The following SHF variants were observed in gnomAD, a reference collection of about 807,000 sequenced individuals.
SHF encodes Src homology 2 domain containing F, also known as SH2 domain-containing adapter protein F.
Under a neutral mutation model 42.4 loss-of-function variants are expected in SHF, and 30 were observed. The observed-to-expected ratio is 0.71, with a 90% CI of 0.53 to 0.96. The LOEUF is 0.96. Ranked by LOEUF, SHF falls within the 40% of genes least tolerant of loss-of-function variation. The pLI is 0.00. For synonymous variants in SHF, 264 were observed against 269.9 expected (o/e 0.98, Z 0.21); for missense variants, 598 against 634.0 (o/e 0.94, Z 0.61).
chr15:45,198,312 TA>T (rs1003650215), intron 2 of SHF, among the ~76,000 whole-genome samples: 2 of 151,540 alleles, frequency 1.3e-5, no homozygotes, highest in African/African-American at 4.9e-5. Flanking sequence ...AATGACTCAA[TA>T]AAAAAATGTA....
At chr15:45,184,356 TA>T (rs1236378450) in intron 1 of SHF, among the ~76,000 whole-genome samples, 2 of 152,238 alleles carry the variant, frequency 1.3e-5, no homozygotes, top group Non-Finnish European at 2.9e-5. Context: ...GAAGTACATC[TA>T]TTTTTTAAAG....
In SHF at chr15:45,167,996, C is replaced by G; in HGVS notation, c.1418G>C (p.Gly473Ala). Residue 473 changes from glycine to alanine, a missense_variant, in exon 7 of 7, where the codon GGA (glycine) becomes GCA (alanine). Coordinates refer to ENST00000690270, the MANE Select transcript of SHF (RefSeq NM_001394037.1). The part of the protein sequence containing the change: ...HYASRKLPIK[G>A]AEHMSLLYPV... Reference sequence around the variant, plus strand: ...GTAGAGCAGGGACATGTGTTCGGCTCCCTTAATGGGTAGCTTGCGGCTGGC... The same window carrying G: ...GTAGAGCAGGGACATGTGTTCGGCTGCCTTAATGGGTAGCTTGCGGCTGGC... The G allele has an allele frequency of 6.2e-7, 1 of 1,613,470 alleles. No individual in the cohort carries two copies.
intron 2 of SHF, among the ~76,000 whole-genome samples, chr15:45,196,802 G>A (rs1317973959): frequency 2.0e-5 from 3 of 151,948 alleles, no homozygotes; most frequent in African/African-American, 7.3e-5. Flanking sequence ...GGGAGGCTGA[G>A]GCAGGAGAAT....
At chr15:45,178,394 G>A (rs1471054936) in intron 1 of SHF, 88 bp from the exon 2 acceptor site, 14 of 1,475,474 alleles carry the variant, frequency 9.5e-6, no homozygotes, top group Non-Finnish European at 1.3e-5. Flanking sequence ...GGGAGCAAGA[G>A]TCCCAAGTAG....
chr15:45,169,529 G>A (rs1321294378), intron 6 of SHF, among the ~76,000 whole-genome samples: 1 of 152,206 alleles, frequency 6.6e-6, no homozygotes, highest in African/African-American at 2.4e-5. Flanking sequence ...GCCCCTGTGG[G>A]TGGTGGAGAG....
At position 45,187,770 on chromosome 15, in the gene SHF, C is replaced by G. The variant is rs1452027530; in HGVS notation, c.182G>C (p.Gly61Ala). 6.8e-6 allele frequency: 6 copies of G among 882,934 alleles called. No homozygotes were observed. In the South Asian group the frequency reaches 2.2e-4, roughly 33 times the overall value. The allele number at this position is 882,934 out of a possible 1,614,324, so 54.7% of individuals were successfully genotyped here. A position where few individuals can be genotyped will look rare whatever the true frequency, so the allele number is the denominator to read the frequency against. ...CGGCTTGCTGCCCCCTCCGCCGCCGCCCCCCCCGCGGAAGCCCAGGTGCTC... is the reference window on the plus strand; with the variant it reads ...CGGCTTGCTGCCCCCTCCGCCGCCGGCCCCCCCGCGGAAGCCCAGGTGCTC... ...LREHLGFRGGGGGGGGSKPAP... is the reference protein window; with the variant it reads ...LREHLGFRGGAGGGGGSKPAP... Residue 61 changes from glycine (G) to alanine (A), a missense_variant, in exon 1 of 7, where the codon GGC becomes GCC. By Grantham distance (60) the Gly-to-Ala change is moderately conservative. This residue lies in a region of SHF where 159 missense variants were observed against 109.3 expected (regional missense o/e 1.45). Coordinates refer to ENST00000690270, the MANE Select transcript of SHF (RefSeq NM_001394037.1).
At chr15:45,200,485 G>T (rs536882841) in intron 1 of SHF, 2 of 341,898 alleles carry the variant, frequency 5.8e-6, no homozygotes, top group Non-Finnish European at 1.2e-5. Context: ...CGATCACGGC[G>T]AGCTACTAGG....
exon 1 of SHF, chr15:45,200,905 G>A: frequency 2.2e-6 from 1 of 454,430 alleles, no homozygotes; most frequent in South Asian, 1.6e-5. Flanking sequence ...ATCATTGCAG[G>A]CCCGGCCTCA....
At chr15:45,191,092 T>C (rs986598965), upstream of SHF, among the ~76,000 whole-genome samples, 3 of 152,094 alleles carry the variant, frequency 2.0e-5, no homozygotes, top group Admixed American at 1.3e-4. Context: ...AGAGATGGGG[T>C]CTCACTCTCT....
chr15:45,201,026 G>A, exon 1 of SHF: 1 of 353,450 alleles, frequency 2.8e-6, no homozygotes, highest in Non-Finnish European at 5.6e-6. Context: ...GGCTGCTCTT[G>A]CGGGTGAACG....
At chr15:45,201,081 T>A in exon 1 of SHF, 1 of 342,180 alleles carries the variant, frequency 2.9e-6, no homozygotes, top group Non-Finnish European at 5.8e-6. Context: ...TTAGGAAAGC[T>A]GGAATGGCCG....
chr15:45,188,015 AG>A (rs1162918452), upstream of SHF: 16 of 81,752 alleles, frequency 2.0e-4, no homozygotes, highest in Admixed American at 6.7e-4. Flanking sequence ...GGGGGTGGGG[AG>A]GGGGGCGGGG....
intron 1 of SHF, chr15:45,199,132 T>C: frequency 5.5e-6 from 8 of 1,460,362 alleles, no homozygotes; most frequent in Non-Finnish European, 7.3e-6. Flanking sequence ...TAGAACCAGG[T>C]TCCACGTAGA....
chr15:45,198,961 C>T, exon 2 of SHF: 2 of 1,613,790 alleles, frequency 1.2e-6, no homozygotes, highest in Non-Finnish European at 1.7e-6. Context: ...GGGCGGAACT[C>T]AGACTACCCT....
chr15:45,195,555 T>C (rs909077570), intron 2 of SHF, among the ~76,000 whole-genome samples: 2 of 152,016 alleles, frequency 1.3e-5, no homozygotes, highest in Non-Finnish European at 2.9e-5. Context: ...CACATTCTTT[T>C]ATTTAAAGTC....
At chr15:45,189,125 A>G (rs948078951), upstream of SHF, among the ~76,000 whole-genome samples, 1 of 150,570 alleles carries the variant, frequency 6.6e-6, no homozygotes, top group Non-Finnish European at 1.5e-5. Flanking sequence ...CCCAGGAGGC[A>G]GAGGTTGCAT....
At chr15:45,198,890 G>C (rs1444912750) in exon 2 of SHF, 2 of 1,614,006 alleles carry the variant, frequency 1.2e-6, no homozygotes, top group Admixed American at 1.7e-5. Context: ...TGATGAGATG[G>C]GCTCCCGGTG....
intron 1 of SHF, among the ~76,000 whole-genome samples, chr15:45,180,598 G>A (rs1186482981): frequency 6.6e-6 from 1 of 152,202 alleles, no homozygotes; most frequent in Non-Finnish European, 1.5e-5. Flanking sequence ...TTACCAGAAA[G>A]CTGCATGTTC....
intron 2 of SHF, among the ~76,000 whole-genome samples, chr15:45,176,336 TC>T (rs1245683984): frequency 6.7e-6 from 1 of 150,264 alleles, no homozygotes; most frequent in East Asian, 1.9e-4. Context: ...ATTTTGTCCT[TC>T]CTGACTATCT....
Sources: gnomAD v4.1 joint callset for allele counts (sites outside exome capture counted in the v4.1 genomes callset) on GRCh38, gnomAD v4.1.1 for gene constraint, gnomAD v4.1.1 regional missense constraint, MANE v1.5 for transcripts, NCBI Gene and HGNC (gene_info 2026-07-23, HGNC 2026-07-21) for gene names.